ZNF385D: variants seen among roughly 807,000 people sequenced by gnomAD.
The protein encoded by ZNF385D is zinc finger protein 659.
Under a neutral mutation model 35.8 loss-of-function variants are expected in ZNF385D, and 15 were observed. That is an observed-to-expected ratio of 0.42 (90% CI 0.28 to 0.64). The LOEUF (loss-of-function observed/expected upper bound fraction) is 0.64, where lower values mean the gene tolerates loss of function less well. Ranked by LOEUF, ZNF385D falls within the 30% of genes least tolerant of loss-of-function variation. ZNF385D has a pLI of 0.23. For missense variants in ZNF385D, 474 were observed against 494.6 expected, an observed-to-expected ratio of 0.96 and a Z score of 0.39; for synonymous variants, 212 against 186.8, an observed-to-expected ratio of 1.13 and a Z score of -1.10.
intron 2 of ZNF385D, among the ~76,000 whole-genome samples, chr3:22,357,400 T>C (rs1696203775): frequency 6.6e-6 from 1 of 151,844 alleles, no homozygotes; most frequent in African/African-American, 2.4e-5. Flanking sequence ...CAAATACTTT[T>C]ACAGTCTTAG....
intron 4 of ZNF385D, among the ~76,000 whole-genome samples, chr3:21,457,405 G>C (rs1156644413): frequency 6.6e-6 from 1 of 151,904 alleles, no homozygotes; most frequent in Non-Finnish European, 1.5e-5. Flanking sequence ...ACCTAGGCTG[G>C]AGTGCAATGG....
At chr3:22,233,636 C>G (rs1215582495) in intron 2 of ZNF385D, among the ~76,000 whole-genome samples, 3 of 151,432 alleles carry the variant, frequency 2.0e-5, no homozygotes, top group Admixed American at 1.3e-4. Flanking sequence ...TACATCATAA[C>G]CCCCAGAATA....
intron 2 of ZNF385D, among the ~76,000 whole-genome samples, chr3:21,608,023 G>GGTTTTTTTTTT (rs2064542770): frequency 2.5e-5 from 3 of 120,216 alleles, no homozygotes; most frequent in African/African-American, 9.6e-5. Context: ...TTTTTTTTTT[G>GGTTTTTTTTTT]TTTTTTTTTT....
At chr3:22,254,317 G>T (rs1700206800) in intron 2 of ZNF385D, among the ~76,000 whole-genome samples, 1 of 151,806 alleles carries the variant, frequency 6.6e-6, no homozygotes, top group South Asian at 2.1e-4. Flanking sequence ...TGACAAATAT[G>T]TATGTATATA....
chr3:21,904,707 T>C (rs1699586419), intron 3 of ZNF385D, among the ~76,000 whole-genome samples: 1 of 152,184 alleles, frequency 6.6e-6, no homozygotes, highest in Non-Finnish European at 1.5e-5. Context: ...TCTTCTGTTA[T>C]TGTCTACTGC....
At chr3:22,185,876 G>A (rs17638166) in intron 2 of ZNF385D, among the ~76,000 whole-genome samples, 2 of 152,070 alleles carry the variant, frequency 1.3e-5, no homozygotes, top group East Asian at 3.9e-4. Context: ...TTATTGCTGA[G>A]TGTATTGTAC....
chr3:21,481,391 A>G (rs533435155), intron 4 of ZNF385D, among the ~76,000 whole-genome samples: 15 of 152,314 alleles, frequency 9.8e-5, no homozygotes, highest in Admixed American at 8.5e-4. Context: ...TCAACAGAGT[A>G]GACTGTAAAC....
chr3:22,342,536 C>A (rs192536887), intron 2 of ZNF385D, among the ~76,000 whole-genome samples: 2 of 152,192 alleles, frequency 1.3e-5, no homozygotes, highest in Admixed American at 1.3e-4. Flanking sequence ...CCCATAATCT[C>A]TGCAATACTT....
intron 2 of ZNF385D, among the ~76,000 whole-genome samples, chr3:21,570,023 A>G (rs890535211): frequency 2.6e-5 from 4 of 151,794 alleles, no homozygotes; most frequent in African/African-American, 4.8e-5. Context: ...TAACCTGCAC[A>G]TTGTGCACAT....
intron 2 of ZNF385D, among the ~76,000 whole-genome samples, chr3:22,176,935 C>T (rs914366253): frequency 2.0e-5 from 3 of 152,120 alleles, no homozygotes; most frequent in African/African-American, 4.8e-5. Flanking sequence ...TTCAACGTCA[C>T]GAATGTATTC....
chr3:21,992,645 A>G (rs1374835753), intron 3 of ZNF385D, among the ~76,000 whole-genome samples: 2 of 152,186 alleles, frequency 1.3e-5, no homozygotes, highest in South Asian at 2.1e-4. Flanking sequence ...TAAAGTTCGC[A>G]TTATTATACT....
At chr3:22,047,513 C>T (rs553211855) in intron 3 of ZNF385D, among the ~76,000 whole-genome samples, 1 of 152,168 alleles carries the variant, frequency 6.6e-6, no homozygotes, top group South Asian at 2.1e-4. Flanking sequence ...TCTTTCTGTG[C>T]CTGTCTTATT....
chr3:22,334,320 A>T (rs1483615421), intron 2 of ZNF385D, among the ~76,000 whole-genome samples: 1 of 152,024 alleles, frequency 6.6e-6, no homozygotes, highest in Admixed American at 6.6e-5. Flanking sequence ...GTATTTAGTG[A>T]CTATTACACA....
chr3:21,778,716 T>A (rs9871254), intron 3 of ZNF385D, among the ~76,000 whole-genome samples: 2,913 of 152,002 alleles, frequency 0.019, 108 homozygotes, highest in African/African-American at 0.066. Flanking sequence ...TAAAATAATT[T>A]AAAAAATCCA....
chr3:21,759,001 A>AC (rs1369073675), intron 3 of ZNF385D, among the ~76,000 whole-genome samples: 5,935 of 133,130 alleles, frequency 0.045, 281 homozygotes, highest in African/African-American at 0.061. Flanking sequence ...AAAAAAAAAA[A>AC]AAAAACAGTG....
intron 3 of ZNF385D, among the ~76,000 whole-genome samples, chr3:21,881,213 G>A (rs181551313): frequency 1.1e-3 from 172 of 151,864 alleles, no homozygotes; most frequent in Admixed American, 4.1e-3. Flanking sequence ...GAAAGAGGAT[G>A]TCATTTAGGA....
chr3:21,795,236 T>A (rs1302948428), intron 3 of ZNF385D, among the ~76,000 whole-genome samples: 1 of 152,224 alleles, frequency 6.6e-6, no homozygotes, highest in Non-Finnish European at 1.5e-5. Context: ...CTTTTTCATG[T>A]AATTATGTAC....
At chr3:22,346,989 T>C (rs1480138249) in intron 2 of ZNF385D, among the ~76,000 whole-genome samples, 2 of 152,194 alleles carry the variant, frequency 1.3e-5, no homozygotes, top group South Asian at 2.1e-4. Flanking sequence ...TAGTTGACCA[T>C]TTGGGACTTT....
intron 3 of ZNF385D, among the ~76,000 whole-genome samples, chr3:21,951,767 T>C (rs891202946): frequency 4.0e-5 from 6 of 151,672 alleles, no homozygotes; most frequent in African/African-American, 1.5e-4. Flanking sequence ...ATTTGTTCTA[T>C]ATATACAATG....
Sources: allele counts gnomAD v4.1 joint callset (sites outside exome capture counted in the v4.1 genomes callset), GRCh38; gene constraint gnomAD v4.1.1; transcripts MANE v1.5; gene names NCBI Gene and HGNC (gene_info 2026-07-23, HGNC 2026-07-21).